Variants in GNPTAB observed in about 807,000 individuals in gnomAD.
GNPTAB encodes the protein N-acetylglucosamine-1-phosphotransferase subunits alpha/beta.
A neutral mutation model predicts 136.6 loss-of-function variants in GNPTAB; 92 were observed. That is an observed-to-expected ratio of 0.67 (90% CI 0.57 to 0.80). GNPTAB has a LOEUF of 0.80. GNPTAB is among the 30% of genes least tolerant of loss of function. The probability of loss-of-function intolerance (pLI) is 0.00; values close to 1 mark genes in which losing one functional copy is unlikely to be tolerated. For synonymous variants in GNPTAB, 512 were observed against 535.1 expected, an observed-to-expected ratio of 0.96 and a Z score of 0.60; for missense variants, 1,343 against 1,501.8, an observed-to-expected ratio of 0.89 and a Z score of 1.75.
chr12:101,772,126 G>A (rs112653417), intron 7 of GNPTAB, among the ~76,000 whole-genome samples: 276 of 152,282 alleles, frequency 1.8e-3, no homozygotes, highest in African/African-American at 6.4e-3. Flanking sequence ...CCACCCCTAC[G>A]AAAGTCCACA....
At chr12:101,823,335 C>T (rs375420177) in intron 1 of GNPTAB, among the ~76,000 whole-genome samples, 6 of 152,024 alleles carry the variant, frequency 3.9e-5, no homozygotes, top group Admixed American at 6.6e-5. Context: ...TAAGGCCAGG[C>T]GCAGTGGCTT....
intron 1 of GNPTAB, among the ~76,000 whole-genome samples, chr12:101,821,570 T>C (rs779680506): frequency 2.0e-5 from 3 of 152,138 alleles, no homozygotes; most frequent in Non-Finnish European, 2.9e-5. Context: ...TGCAGACTCA[T>C]CCAAATCATG....
chr12:101,770,488 C>A lies in GNPTAB; in HGVS notation c.1031G>T (p.Arg344Leu). The A allele has an allele frequency of 6.2e-7, 1 of 1,613,646 alleles. No homozygotes were observed. Among genetic ancestry groups the A allele is most frequent in the Non-Finnish European group, 8.5e-7 (1 of 1,179,540 alleles). The change falls in exon 9 of 21, where the codon CGG (arginine) becomes CTG (leucine). Residue 344 changes from arginine to leucine, a missense_variant. Arg to Leu is a moderately radical substitution (Grantham distance 102, BLOSUM62 -2). Transcript: ENST00000299314. ...RSIERHAPWV[R>L]NIFIVTNGQI... is the part of the protein sequence containing the mutation. ...CCCGTTGGTGACAATGAAAATATTCCGAACCCATGGTGCATGCCTCTCGAT... is the reference window on the plus strand; with the variant it reads ...CCCGTTGGTGACAATGAAAATATTCAGAACCCATGGTGCATGCCTCTCGAT...
At chr12:101,785,590 G>C (rs1868595939) in intron 5 of GNPTAB, 1 of 187,620 alleles carries the variant, frequency 5.3e-6, no homozygotes, top group South Asian at 1.1e-4. Flanking sequence ...TGGGTGTTAT[G>C]ATTTCAACAT....
chr12:101,784,033 CTTG>C (rs1868491367), intron 5 of GNPTAB, among the ~76,000 whole-genome samples: 1 of 152,044 alleles, frequency 6.6e-6, no homozygotes, highest in East Asian at 1.9e-4. Flanking sequence ...CTAAAAATAA[CTTG>C]TTAAGTATCA....
intron 19 of GNPTAB, among the ~76,000 whole-genome samples, chr12:101,750,266 TGA>T (rs1004412793): frequency 2.6e-5 from 4 of 152,364 alleles, no homozygotes; most frequent in African/African-American, 9.6e-5. Flanking sequence ...GCCTCTGTGC[TGA>T]GTTACAGATT....
rs781633355 is a variant in GNPTAB at position 101,764,660 on chromosome 12, T to C, written c.2257A>G (p.Ile753Val). The C allele has an allele frequency of 5.0e-6, 8 of 1,612,986 alleles. No homozygotes were observed. In the Middle Eastern group the frequency reaches 5.0e-4, roughly 100 times the overall value. ...SQHAKIKNQA[I>V]ITDETNDSLV... ...CTGTCATTTGTTTCATCTGTTATTA[T>C]AGCTTGATTTTTTATTTTAGCATGC... Residue 753 changes from isoleucine (I) to valine (V), a missense_variant, in exon 13 of 21, where the codon ATA (isoleucine) becomes GTA (valine). Transcript: ENST00000299314.
rs56029201 is a variant in GNPTAB at position 101,806,455 on chromosome 12, C to T, written c.118-9693G>A. Among the ~76,000 whole-genome samples, 1,306 of 151,980 alleles carry T rather than the reference C, an allele frequency of 8.6e-3. 18 individuals carry two copies. The highest frequency in any genetic ancestry group is 0.028 in the African/African-American group (1,177 of 41,434). On this transcript the variant is annotated intron_variant, in intron 1 of 20. Transcript: ENST00000299314. ...ATGGTTACAAAGTTCCTGTTTGGGG[C>T]GATGAAAAAGTTTGGGAAATAGTCA...
At chr12:101,790,161 TGAA>T in intron 2 of GNPTAB, 104 bp from the exon 3 acceptor site, 1 of 1,477,240 alleles carries the variant, frequency 6.8e-7, no homozygotes. Context: ...AAAAAATCTC[TGAA>T]GAAGTAATCC....
chr12:101,767,982 T>C (rs1439891780), intron 11 of GNPTAB, 55 bp downstream of exon 11: 2 of 1,570,838 alleles, frequency 1.3e-6, no homozygotes, highest in African/African-American at 1.3e-5. Flanking sequence ...TCAATAATGA[T>C]TAAGAAGAAA....
intron 18 of GNPTAB, 179 bp downstream of exon 18, chr12:101,757,033 G>A: frequency 7.0e-6 from 4 of 569,366 alleles, no homozygotes; most frequent in Non-Finnish European, 1.2e-5. Flanking sequence ...TCATCCCTCT[G>A]CATGGGGGAC....
At chr12:101,768,467 A>C (rs1335948460) in intron 10 of GNPTAB, among the ~76,000 whole-genome samples, 1 of 152,248 alleles carries the variant, frequency 6.6e-6, no homozygotes, top group Non-Finnish European at 1.5e-5. Context: ...TATGAAATAA[A>C]GTAGCACCAT....
intron 7 of GNPTAB, among the ~76,000 whole-genome samples, chr12:101,774,038 T>C (rs1953222868): frequency 6.6e-6 from 1 of 152,254 alleles, no homozygotes; most frequent in Non-Finnish European, 1.5e-5. Context: ...TTTTAGCCAT[T>C]GAGATTCCAG....
intron 7 of GNPTAB, among the ~76,000 whole-genome samples, chr12:101,777,199 G>A (rs529379782): frequency 3.0e-4 from 45 of 152,212 alleles, no homozygotes; most frequent in African/African-American, 1.0e-3. Context: ...CATTTCCATC[G>A]TTGGCATCCC....
chr12:101,797,892 C>G (rs1295776239), intron 1 of GNPTAB, among the ~76,000 whole-genome samples: 1 of 152,178 alleles, frequency 6.6e-6, no homozygotes, highest in Non-Finnish European at 1.5e-5. Context: ...ATCTCATCAA[C>G]TTGTGTGTTC....
At position 101,828,935 on chromosome 12, in the gene GNPTAB, G is replaced by C. The variant is rs1414232576; in HGVS notation, c.117+1624C>G. 4.6e-5 allele frequency among the ~76,000 whole-genome samples: 7 copies of C among 152,298 alleles called. No individual in the cohort carries two copies. In the East Asian group the frequency reaches 1.3e-3, roughly 29 times the overall value. ...CAATATAAGTATTAGCTATTATTATGATCATTATCAACTGGAGTCAGCAAT... is the reference window on the plus strand; with the variant it reads ...CAATATAAGTATTAGCTATTATTATCATCATTATCAACTGGAGTCAGCAAT... On this transcript the variant is annotated intron_variant, in intron 1 of 20. Coordinates refer to ENST00000299314, the MANE Select transcript of GNPTAB (RefSeq NM_024312.5).
intron 13 of GNPTAB, among the ~76,000 whole-genome samples, chr12:101,763,587 A>G (rs1953034642): frequency 6.6e-6 from 1 of 152,148 alleles, no homozygotes; most frequent in Non-Finnish European, 1.5e-5. Context: ...ATCTCAACAC[A>G]GACACATCTC....
At chr12:101,753,277 A>G in intron 19 of GNPTAB, 95 bp downstream of exon 19, 1 of 1,121,074 alleles carries the variant, frequency 8.9e-7, no homozygotes, top group Non-Finnish European at 1.3e-6. Context: ...AAAAAGAGAA[A>G]TTTCATAAAA....
At position 101,747,021 on chromosome 12, in the gene GNPTAB, C is replaced by T. The variant is rs76267316; in HGVS notation, c.*143G>A. The T allele has an allele frequency of 3.7e-3, 2,508 of 681,408 alleles. 57 individuals are homozygous for T. The African/African-American group carries it at 0.039, about 11-fold the overall frequency. The allele number at this position is 681,408 out of a possible 1,614,324, so 42.2% of individuals were successfully genotyped here. On this transcript the variant is annotated 3_prime_UTR_variant, in exon 21 of 21. Transcript: ENST00000299314. ...TAATTCCTGGTCAGTGGGCTATATT[C>T]ATGCCACAAAACAGCATGGTACTGG... is the stretch of plus-strand genomic sequence containing the variant.
Sources: gnomAD v4.1 joint callset for allele counts (sites outside exome capture counted in the v4.1 genomes callset) on GRCh38, gnomAD v4.1.1 for gene constraint, MANE v1.5 for transcripts, NCBI Gene and HGNC (gene_info 2026-07-23, HGNC 2026-07-21) for gene names.